The following STAG2 variants were observed in gnomAD, a reference collection of about 807,000 sequenced individuals.
STAG2 encodes the protein cohesin subunit SA-2.
Under a neutral mutation model 108.1 loss-of-function variants are expected in STAG2, and 14 were observed. The observed-to-expected ratio is 0.13, with a 90% confidence interval of 0.09 to 0.20. The LOEUF (loss-of-function observed/expected upper bound fraction) is 0.20. STAG2 is among the 10% of genes least tolerant of loss of function. The probability of loss-of-function intolerance (pLI) is 1.00; values close to 1 mark genes in which losing one functional copy is unlikely to be tolerated. For synonymous variants in STAG2, 307 were observed against 302.7 expected (o/e 1.01, Z -0.15); for missense variants, 440 against 940.9 (o/e 0.47, Z 6.96).
At chrX:124,023,967 A>G (rs1214658152) in intron 3 of STAG2, among the ~76,000 whole-genome samples, 1 of 111,760 alleles carries the variant, frequency 8.9e-6, no homozygotes, top group Non-Finnish European at 1.9e-5. Context: ...AATGGTTAAT[A>G]CAGTATGTTT....
chrX:124,003,906 G>A (rs751984309), intron 1 of STAG2, among the ~76,000 whole-genome samples: 1 of 111,284 alleles, frequency 9.0e-6, no homozygotes, highest in East Asian at 2.8e-4. Context: ...CTATAGTCAT[G>A]TGTATTTGTT....
At chrX:123,969,621 C>T (rs1289597533) in intron 1 of STAG2, among the ~76,000 whole-genome samples, 1 of 110,025 alleles carries the variant, frequency 9.1e-6, no homozygotes, top group African/African-American at 3.3e-5. Flanking sequence ...CATTAGTGAT[C>T]GGTATCTTAG....
At chrX:124,084,433 C>T (rs1057361217) in intron 29 of STAG2, among the ~76,000 whole-genome samples, 15 of 110,139 alleles carry the variant, frequency 1.4e-4, no homozygotes, top group Non-Finnish European at 2.3e-4. Flanking sequence ...ATTCTCCTGC[C>T]TCAGCCTCCT....
At chrX:124,095,989 A>G (rs183894535) in intron 34 of STAG2, among the ~76,000 whole-genome samples, 2 of 110,032 alleles carry the variant, frequency 1.8e-5, no homozygotes, top group Admixed American at 2.0e-4. Flanking sequence ...TACCTCTTAT[A>G]TCAGTCCCCT....
chrX:124,100,610 A>C lies in STAG2; in HGVS notation c.*13A>C, dbSNP rs2148536304. On this transcript the variant is annotated 3_prime_UTR_variant, in exon 35 of 35. Coordinates refer to ENST00000371145, the MANE Select transcript of STAG2 (RefSeq NM_001042750.2). ...GTCAATGTTTTAATACCAGTACACA[A>C]TTAAATCTGTGGTGAAGTCATTTTC... The C allele has an allele frequency of 8.5e-7, 1 of 1,179,189 alleles. No homozygotes were observed. The highest frequency in any genetic ancestry group is 3.0e-5 in the East Asian group (1 of 33,570).
rs2057397257 is a variant in STAG2 at position 124,033,099 on chromosome X, T to TTA, written c.288+1976_288+1977dup. Reference sequence around the variant, plus strand: ...TTCTAATGCACCTTTTTAAATCCGTTTATTAATGTTTGCTTGTATATCATG... The same window carrying TTA: ...TTCTAATGCACCTTTTTAAATCCGTTTATATTAATGTTTGCTTGTATATCATG... On this transcript the variant is annotated intron_variant, in intron 5 of 34. Coordinates refer to ENST00000371145, the MANE Select transcript of STAG2 (RefSeq NM_001042750.2). Among the ~76,000 whole-genome samples, 3 of 112,430 alleles carry TTA rather than the reference T, an allele frequency of 2.7e-5. No individual in the cohort carries two copies. The South Asian group carries it at 1.1e-3, about 41-fold the overall frequency.
chrX:123,966,949 T>A (rs1352413172), intron 1 of STAG2, among the ~76,000 whole-genome samples: 3 of 110,926 alleles, frequency 2.7e-5, no homozygotes, highest in African/African-American at 9.9e-5. Context: ...AGTGGCATGA[T>A]CTTGGGCTCC....
chrX:123,987,214 A>G (rs1464824847), intron 1 of STAG2, among the ~76,000 whole-genome samples: 2 of 106,058 alleles, frequency 1.9e-5, no homozygotes, highest in Admixed American at 2.0e-4. Flanking sequence ...CTGATCTCGA[A>G]CTCCTGACCT....
intron 3 of STAG2, among the ~76,000 whole-genome samples, chrX:124,025,323 A>C (rs1173796490): frequency 1.8e-5 from 2 of 111,793 alleles, no homozygotes; most frequent in Non-Finnish European, 3.8e-5. Flanking sequence ...AGTTTATAAA[A>C]AGGTTTTATA....
At chrX:124,096,300 C>T (rs1034378783) in intron 34 of STAG2, among the ~76,000 whole-genome samples, 1 of 111,064 alleles carries the variant, frequency 9.0e-6, no homozygotes, top group African/African-American at 3.3e-5. Context: ...GTATTCTATG[C>T]TCTAGCCATA....
chrX:124,035,513 C>CA (rs2057489204), intron 5 of STAG2, among the ~76,000 whole-genome samples: 4 of 111,882 alleles, frequency 3.6e-5, no homozygotes, highest in African/African-American at 1.3e-4. Context: ...AAACAACAAT[C>CA]ATTTTATTAT....
At chrX:124,089,798 G>A (rs1236690187) in intron 30 of STAG2, among the ~76,000 whole-genome samples, 1 of 110,584 alleles carries the variant, frequency 9.0e-6, no homozygotes, top group Non-Finnish European at 1.9e-5. Context: ...TATGCCCCAG[G>A]AGTAGCAAAC....
At chrX:124,050,079 A>AT in intron 10 of STAG2, 107 bp from the exon 11 acceptor site, 3 of 899,375 alleles carry the variant, frequency 3.3e-6, no homozygotes, top group Non-Finnish European at 4.5e-6. Context: ...TAATAAGATA[A>AT]TGTCATATTC....
chrX:124,055,301 A>T (rs1171276466), intron 13 of STAG2, among the ~76,000 whole-genome samples: 1 of 112,440 alleles, frequency 8.9e-6, no homozygotes, highest in Non-Finnish European at 1.9e-5. Flanking sequence ...CAGTATTCTT[A>T]GGCTTTTTTC....
At position 124,034,738 on chromosome X, in the gene STAG2, T is replaced by C. The variant is rs190134264; in HGVS notation, c.289-2789T>C. Among the ~76,000 whole-genome samples, 408 of 111,627 alleles carry C rather than the reference T, an allele frequency of 3.7e-3. 1 individual carries two copies. The highest frequency in any genetic ancestry group is 0.012 in the African/African-American group (377 of 30,809). On this transcript the variant is annotated intron_variant, in intron 5 of 34. Transcript: ENST00000371145. The stretch of plus-strand genomic sequence containing the variant: ...CTTTCCAATGTGTTTTTTACTCTTA[T>C]CTTTTCATTATATAGCACTTATACT...
chrX:124,085,262 C>T (rs189069945), intron 29 of STAG2, among the ~76,000 whole-genome samples: 66 of 111,416 alleles, frequency 5.9e-4, no homozygotes, highest in Non-Finnish European at 5.5e-4. Context: ...CCTCTGGGCA[C>T]GAGGAGGAAG....
chrX:124,062,599 A>G (rs2058414686), intron 17 of STAG2, among the ~76,000 whole-genome samples: 1 of 111,930 alleles, frequency 8.9e-6, no homozygotes, highest in Non-Finnish European at 1.9e-5. Flanking sequence ...CTCTTAAACT[A>G]TATTTCCTAT....
intron 1 of STAG2, among the ~76,000 whole-genome samples, chrX:124,002,894 G>T (rs1250214666): frequency 9.5e-6 from 1 of 105,732 alleles, no homozygotes; most frequent in Admixed American, 1.0e-4. Flanking sequence ...GACCTCAGGT[G>T]ATCCACCCGC....
chrX:124,037,309 A>G (rs776668242), intron 5 of STAG2, among the ~76,000 whole-genome samples: 1 of 112,070 alleles, frequency 8.9e-6, no homozygotes, highest in Non-Finnish European at 1.9e-5. Flanking sequence ...AAATAAATAG[A>G]AGATTGATAG....
Sources: gnomAD v4.1 joint callset for allele counts (sites outside exome capture counted in the v4.1 genomes callset) on GRCh38, gnomAD v4.1.1 for gene constraint, MANE v1.5 for transcripts, NCBI Gene and HGNC (gene_info 2026-07-23, HGNC 2026-07-21) for gene names.